Variants in LRRC4C observed in about 807,000 individuals in gnomAD.
The protein encoded by LRRC4C is leucine-rich repeat-containing protein 4C.
LRRC4C carries 5 observed loss-of-function variants against 33.6 expected under a neutral mutation model. That is an observed-to-expected ratio of 0.15 (90% CI 0.08 to 0.31). LRRC4C has a LOEUF of 0.31. LRRC4C is among the 10% of genes least tolerant of loss of function. LRRC4C has a pLI of 1.00. For missense variants in LRRC4C, 560 were observed against 796.7 expected, an observed-to-expected ratio of 0.70 and a Z score of 3.58; for synonymous variants, 329 against 302.0, an observed-to-expected ratio of 1.09 and a Z score of -0.93.
intron 1 of LRRC4C, among the ~76,000 whole-genome samples, chr11:41,098,862 A>G (rs1434485335): frequency 1.3e-5 from 2 of 152,144 alleles, no homozygotes; most frequent in African/African-American, 2.4e-5. Context: ...AAGGAAATTT[A>G]GATACCAAAA....
intron 2 of LRRC4C, among the ~76,000 whole-genome samples, chr11:40,837,649 G>A (rs1952729258): frequency 7.0e-6 from 1 of 143,424 alleles, no homozygotes; most frequent in African/African-American, 2.6e-5. Context: ...AGACCAGCCT[G>A]GGAAACATAT....
chr11:40,577,435 C>A (rs1408437614), intron 3 of LRRC4C, among the ~76,000 whole-genome samples: 1 of 152,178 alleles, frequency 6.6e-6, no homozygotes, highest in Non-Finnish European at 1.5e-5. Flanking sequence ...GCCAGGATAA[C>A]AGGTATAAAC....
chr11:40,897,882 T>TA (rs1956019797), intron 2 of LRRC4C, among the ~76,000 whole-genome samples: 1 of 152,186 alleles, frequency 6.6e-6, no homozygotes, highest in Non-Finnish European at 1.5e-5. Flanking sequence ...CCCCATGGCA[T>TA]ACCATGCCAT....
At chr11:41,298,824 C>T (rs566267357) in intron 1 of LRRC4C, among the ~76,000 whole-genome samples, 1 of 151,850 alleles carries the variant, frequency 6.6e-6, no homozygotes, top group African/African-American at 2.4e-5. Context: ...TCTCCAGTGA[C>T]TATTGTTTTA....
intron 3 of LRRC4C, among the ~76,000 whole-genome samples, chr11:40,474,677 T>C (rs553418377): frequency 4.6e-5 from 7 of 152,138 alleles, no homozygotes; most frequent in African/African-American, 1.7e-4. Context: ...TTTTTGCAAT[T>C]TATTCATCTG....
intron 2 of LRRC4C, among the ~76,000 whole-genome samples, chr11:40,861,069 A>G (rs865894213): frequency 2.6e-4 from 40 of 152,222 alleles, no homozygotes; most frequent in African/African-American, 7.2e-4. Flanking sequence ...GGAAGTGAAC[A>G]CAAGTTTTTA....
In LRRC4C at chr11:40,300,448, G is replaced by A. The variant is rs76580366; in HGVS notation, c.-176+19180C>T. ...ATAATTTGTTACCCAAAGATTAACA[G>A]AGTTAAAGCTTAACTAACTTACAAA... On this transcript the variant is annotated intron_variant, in intron 4 of 6. Coordinates refer to ENST00000528697, the MANE Select transcript of LRRC4C (RefSeq NM_001258419.2). Among the ~76,000 whole-genome samples, 443 of 152,318 alleles carry A rather than the reference G, an allele frequency of 2.9e-3. 6 individuals are homozygous for A. The highest frequency in any genetic ancestry group is 0.01 in the African/African-American group (422 of 41,570).
chr11:40,775,413 CAA>C (rs35899682), intron 2 of LRRC4C, among the ~76,000 whole-genome samples: 82,586 of 148,032 alleles, frequency 0.56, 23,150 homozygotes, highest in Non-Finnish European at 0.62. Context: ...GACTCTGTTT[CAA>C]AAAAAAAAAA....
At chr11:40,773,484 C>A (rs1229044481) in intron 2 of LRRC4C, among the ~76,000 whole-genome samples, 6 of 151,094 alleles carry the variant, frequency 4.0e-5, no homozygotes. Context: ...AACATATACA[C>A]CTACTATGTA....
At chr11:40,522,880 C>A (rs1242901068) in intron 3 of LRRC4C, among the ~76,000 whole-genome samples, 1 of 152,140 alleles carries the variant, frequency 6.6e-6, no homozygotes, top group Admixed American at 6.5e-5. Context: ...GTCCAAATAT[C>A]TTTTCTCTTA....
At chr11:40,192,408 G>A (rs939035672) in intron 5 of LRRC4C, among the ~76,000 whole-genome samples, 28 of 152,164 alleles carry the variant, frequency 1.8e-4, no homozygotes, top group African/African-American at 4.3e-4. Context: ...CATGAGGGAC[G>A]GTGCTATTTA....
At chr11:41,164,686 TTGTTGGGAAAAGCTGAG>T (rs1227824459) in intron 1 of LRRC4C, among the ~76,000 whole-genome samples, 3 of 152,118 alleles carry the variant, frequency 2.0e-5, no homozygotes, top group African/African-American at 7.2e-5. Context: ...TCCATTATAA[TTGTTGGGAAAAGCTGAG>T]TGTTGGGAGA....
At chr11:41,275,790 A>G (rs963037483) in intron 1 of LRRC4C, among the ~76,000 whole-genome samples, 3 of 152,238 alleles carry the variant, frequency 2.0e-5, no homozygotes, top group African/African-American at 7.2e-5. Context: ...CAGAAATACT[A>G]ACATTACATT....
At chr11:41,016,839 C>T (rs1180093905) in intron 1 of LRRC4C, among the ~76,000 whole-genome samples, 1 of 152,128 alleles carries the variant, frequency 6.6e-6, no homozygotes, top group Non-Finnish European at 1.5e-5. Context: ...CCAGAGGAGA[C>T]ACCTGCCCCT....
intron 1 of LRRC4C, among the ~76,000 whole-genome samples, chr11:41,053,781 T>G (rs910250219): frequency 2.0e-5 from 3 of 152,182 alleles, no homozygotes; most frequent in African/African-American, 7.2e-5. Context: ...TAAAGGGAAT[T>G]AATATGTTTC....
chr11:41,189,383 C>G (rs534438265), intron 1 of LRRC4C, among the ~76,000 whole-genome samples: 1 of 151,930 alleles, frequency 6.6e-6, no homozygotes, highest in Non-Finnish European at 1.5e-5. Flanking sequence ...ATAGACCTTG[C>G]GGATTATGTG....
At chr11:40,335,471 T>G (rs561585675) in intron 3 of LRRC4C, among the ~76,000 whole-genome samples, 1 of 152,182 alleles carries the variant, frequency 6.6e-6, no homozygotes, top group African/African-American at 2.4e-5. Context: ...AAATAAAGAA[T>G]TAAGACATTT....
At chr11:40,178,900 C>T (rs185500773) in intron 5 of LRRC4C, among the ~76,000 whole-genome samples, 2 of 152,328 alleles carry the variant, frequency 1.3e-5, no homozygotes, top group Middle Eastern at 3.4e-3. Context: ...CTAGTGATAG[C>T]TAGCTCTTCT....
chr11:40,115,991 T>A lies in LRRC4C; in HGVS notation c.302A>T (p.His101Leu). ...IKVNSFKHLR[H>L]LEILQLSRNH... ...CCTACTCAACTGTAGGATTTCCAAG[T>A]GTCTCAAGTGCTTGAAGCTGTTCAC... Residue 101 changes from histidine (H) to leucine (L), a missense_variant, in exon 7 of 7, where the codon CAC becomes CTC. Around this residue, in one of 3 missense-constraint regions of LRRC4C, gnomAD observed 455 missense variants for 643.8 expected, o/e 0.71. Transcript: ENST00000528697. This position sits in a 1 kb window ranked among gnomAD's most constrained non-coding sequence, Gnocchi z 6.7. The A allele has an allele frequency of 6.2e-7, 1 of 1,614,152 alleles. No individual in the cohort carries two copies. Among genetic ancestry groups the A allele is most frequent in the Non-Finnish European group, 8.5e-7 (1 of 1,180,028 alleles).
Sources: allele counts gnomAD v4.1 joint callset (sites outside exome capture counted in the v4.1 genomes callset), GRCh38; gene constraint gnomAD v4.1.1; regional missense constraint gnomAD v4.1.1; non-coding constraint Gnocchi (gnomAD v3.1); transcripts MANE v1.5; gene names NCBI Gene and HGNC (gene_info 2026-07-23, HGNC 2026-07-21).